The following FBXW11 variants were observed in gnomAD, a reference collection of about 807,000 sequenced individuals.
FBXW11 encodes F-box and WD repeat domain containing 11.
Under a neutral mutation model 77.6 loss-of-function variants are expected in FBXW11, and 19 were observed. The ratio of observed to expected loss-of-function variants is 0.24; its 90% CI spans 0.17 to 0.36. FBXW11 has a LOEUF of 0.36. Among genes scored for constraint, FBXW11 ranks in the 10% least tolerant of loss-of-function variants. The pLI, the probability that FBXW11 is intolerant of heterozygous loss-of-function variation, is 1.00. For synonymous variants in FBXW11, 235 were observed against 249.4 expected (o/e 0.94, Z 0.54); for missense variants, 334 against 704.2 (o/e 0.47, Z 5.95).
intron 7 of FBXW11, among the ~76,000 whole-genome samples, chr5:171,879,279 C>T (rs1225143018): frequency 2.0e-5 from 3 of 152,146 alleles, no homozygotes; most frequent in East Asian, 3.9e-4. Flanking sequence ...CTTTTCATGG[C>T]TTGATATACA....
chr5:172,003,060 TTAAGAGA>T (rs1443759638), intron 1 of FBXW11: 9 of 152,122 alleles, frequency 5.9e-5, no homozygotes, highest in Non-Finnish European at 7.4e-5. Flanking sequence ...ATACAGCCAC[TTAAGAGA>T]TAAGACAGAA....
chr5:171,902,015 T>G (rs1380761363), intron 4 of FBXW11, among the ~76,000 whole-genome samples: 1 of 152,156 alleles, frequency 6.6e-6, no homozygotes. Context: ...TACCTATTAT[T>G]ATAATATTTC....
At chr5:172,005,767 T>C (rs1366351587) in intron 1 of FBXW11, among the ~76,000 whole-genome samples, 2 of 152,158 alleles carry the variant, frequency 1.3e-5, no homozygotes, top group Non-Finnish European at 2.9e-5. Context: ...CGCCTTCTCT[T>C]TCCTGGAGGA....
chr5:171,872,118 A>T (rs372205395), intron 10 of FBXW11, among the ~76,000 whole-genome samples: 6 of 152,344 alleles, frequency 3.9e-5, no homozygotes, highest in African/African-American at 1.4e-4. Context: ...TCTTAAACCC[A>T]ATCTTTATTT....
intron 1 of FBXW11, among the ~76,000 whole-genome samples, chr5:171,971,699 G>A (rs1170301468): frequency 6.6e-6 from 1 of 152,158 alleles, no homozygotes; most frequent in Non-Finnish European, 1.5e-5. Context: ...CAACTATAGG[G>A]AGGCTGGGCA....
intron 1 of FBXW11, among the ~76,000 whole-genome samples, chr5:171,961,969 A>C (rs907939502): frequency 2.6e-5 from 4 of 152,194 alleles, no homozygotes; most frequent in Admixed American, 1.3e-4. Flanking sequence ...TGAAGCTTCA[A>C]ATTTTTAATT....
intron 3 of FBXW11, 121 bp from the exon 4 acceptor site, chr5:171,910,918 C>G (rs912973234): frequency 6.2e-6 from 4 of 648,124 alleles, no homozygotes; most frequent in Non-Finnish European, 1.0e-5. Flanking sequence ...ACCCTAAAGC[C>G]AAACTCATTC....
chr5:171,869,627 G>T lies in FBXW11; in HGVS notation c.1530+102C>A. Reference sequence around the variant, plus strand: ...GACTGAAATTCTCTGAAGGCATCTTGTGAGACACACAAGCGTTCCTGTGAT... The same window carrying T: ...GACTGAAATTCTCTGAAGGCATCTTTTGAGACACACAAGCGTTCCTGTGAT... On this transcript the variant is annotated intron_variant, in intron 12 of 13. Transcript: ENST00000517395. The surrounding 1 kb of genome is among the most constrained non-coding windows in gnomAD (Gnocchi z 4.1). 1.3e-6 allele frequency: 1 copy of T among 765,194 alleles called. No homozygotes were observed. The highest frequency in any genetic ancestry group is 2.0e-6 in the Non-Finnish European group (1 of 502,910). 47.4% of individuals were successfully genotyped at this position (765,194 alleles called of 1,614,324 possible).
At chr5:171,923,025 G>A (rs1761685788) in intron 2 of FBXW11, among the ~76,000 whole-genome samples, 2 of 151,996 alleles carry the variant, frequency 1.3e-5, no homozygotes, top group Admixed American at 6.5e-5. Flanking sequence ...AGCAATACTC[G>A]TGCCTCAGCC....
chr5:171,973,067 A>G (rs1764622724), intron 1 of FBXW11, among the ~76,000 whole-genome samples: 1 of 152,198 alleles, frequency 6.6e-6, no homozygotes, highest in African/African-American at 2.4e-5. Flanking sequence ...CACAAAAGAG[A>G]GAGTACTGTG....
At position 171,862,690 on chromosome 5, in the gene FBXW11, C is replaced by T. The variant is rs1238121672; in HGVS notation, c.*1437G>A. On this transcript the variant is annotated 3_prime_UTR_variant, in exon 14 of 14. Coordinates refer to ENST00000517395, the MANE Select transcript of FBXW11 (RefSeq NM_001378974.1). ...AGGGAGGACTTGGGAGCTTTGAGAA[C>T]CTGCTGGGGCCACAGCAGCAGCTGA... The T allele has an allele frequency of 6.6e-6, 1 of 152,602 alleles. No homozygotes were observed. Among genetic ancestry groups the T allele is most frequent in the Non-Finnish European group, 1.5e-5 (1 of 68,130 alleles). The allele number at this position is 152,602 out of a possible 1,614,324, so 9.5% of individuals were successfully genotyped here. A position where few individuals can be genotyped will look rare whatever the true frequency, so the allele number is the denominator to read the frequency against.
In FBXW11 at chr5:171,876,970, A is replaced by G. The variant is rs1758123092; in HGVS notation, c.972-436T>C. ...GAGCCTGCAGAACCATGAGTCAAAT[A>G]CACCCCTTTTCTTTATAAATTACCC... On this transcript the variant is annotated intron_variant, in intron 8 of 13. Coordinates refer to ENST00000517395, the MANE Select transcript of FBXW11 (RefSeq NM_001378974.1). This position sits in a 1 kb window ranked among gnomAD's most constrained non-coding sequence, Gnocchi z 4.2. Among the ~76,000 whole-genome samples the G allele has an allele frequency of 1.3e-5, 2 of 152,252 alleles. No homozygotes were observed. Among genetic ancestry groups the G allele is most frequent in the Admixed American group, 6.5e-5 (1 of 15,300 alleles).
chr5:171,964,940 T>G (rs1454236249), intron 1 of FBXW11, among the ~76,000 whole-genome samples: 1 of 152,206 alleles, frequency 6.6e-6, no homozygotes, highest in African/African-American at 2.4e-5. Flanking sequence ...AACTGTATTC[T>G]AGAATTATGT....
chr5:172,001,177 C>T (rs1393446472), intron 1 of FBXW11, among the ~76,000 whole-genome samples: 1 of 152,202 alleles, frequency 6.6e-6, no homozygotes, highest in Non-Finnish European at 1.5e-5. Flanking sequence ...GGTTTCACTG[C>T]ATGAAAGAAA....
chr5:171,956,351 C>A (rs1323679499), intron 2 of FBXW11, among the ~76,000 whole-genome samples: 5 of 152,190 alleles, frequency 3.3e-5, no homozygotes, highest in Non-Finnish European at 7.3e-5. Flanking sequence ...CACTGAGCCT[C>A]ACTGAAGCAT....
intron 2 of FBXW11, among the ~76,000 whole-genome samples, chr5:171,924,841 G>A (rs574144234): frequency 1.5e-5 from 2 of 131,420 alleles, no homozygotes; most frequent in East Asian, 2.5e-4. Context: ...CCCAGACCTC[G>A]CCACTCCCAG....
chr5:171,957,285 G>A (rs1763663165), intron 2 of FBXW11, among the ~76,000 whole-genome samples: 1 of 152,156 alleles, frequency 6.6e-6, no homozygotes, highest in Admixed American at 6.5e-5. Context: ...TAGCCAAATG[G>A]AAAATGTCAG....
intron 4 of FBXW11, among the ~76,000 whole-genome samples, chr5:171,906,514 A>T (rs1471381331): frequency 1.3e-5 from 2 of 152,180 alleles, no homozygotes; most frequent in African/African-American, 4.8e-5. Flanking sequence ...TGAATAATTA[A>T]AATTTCCTAC....
chr5:171,963,582 T>C lies in FBXW11; in HGVS notation c.46-5884A>G, dbSNP rs1045232470. Among the ~76,000 whole-genome samples, 3 of 152,182 alleles carry C rather than the reference T, an allele frequency of 2.0e-5. No individual in the cohort carries two copies. In the East Asian group the frequency reaches 5.8e-4, roughly 29 times the overall value. On this transcript the variant is annotated intron_variant, in intron 1 of 13. Coordinates refer to ENST00000517395, the MANE Select transcript of FBXW11 (RefSeq NM_001378974.1). ...GCTGTGTCATCCAATTTTACATCAA[T>C]GTGAATGACTTTTTTTTCTGCAACT...
Sources: allele counts gnomAD v4.1 joint callset (sites outside exome capture counted in the v4.1 genomes callset), GRCh38; gene constraint gnomAD v4.1.1; non-coding constraint Gnocchi (gnomAD v3.1); transcripts MANE v1.5; gene names NCBI Gene and HGNC (gene_info 2026-07-23, HGNC 2026-07-21).